The following EVC2 variants were observed in gnomAD, a reference collection of about 807,000 sequenced individuals.
The protein encoded by EVC2 is EvC ciliary complex subunit 2, also known as limbin.
Under a neutral mutation model 149.3 loss-of-function variants are expected in EVC2, and 148 were observed. The observed-to-expected ratio is 0.99, with a 90% CI of 0.87 to 1.14. The LOEUF is 1.14. EVC2 is among the 50% of genes most tolerant of loss of function. The probability of loss-of-function intolerance (pLI) is 0.00; values close to 1 mark genes in which losing one functional copy is unlikely to be tolerated. For missense variants in EVC2, 1,854 were observed against 1,627.3 expected (o/e 1.14, Z -2.40); for synonymous variants, 776 against 649.9 (o/e 1.19, Z -2.95).
At chr4:5,581,531 G>C (rs1478844546) in intron 17 of EVC2, among the ~76,000 whole-genome samples, 2 of 152,194 alleles carry the variant, frequency 1.3e-5, no homozygotes, top group African/African-American at 2.4e-5. Context: ...TAATTTGAGA[G>C]TGATGATTTA....
At chr4:5,615,608 C>G in intron 15 of EVC2, 64 bp from the exon 16 acceptor site, 1 of 1,612,600 alleles carries the variant, frequency 6.2e-7, no homozygotes, top group South Asian at 1.1e-5. Flanking sequence ...TGCAGCTCCC[C>G]CGAGGGCTTT....
intron 21 of EVC2, among the ~76,000 whole-genome samples, chr4:5,549,430 C>T (rs549574540): frequency 6.6e-6 from 1 of 152,172 alleles, no homozygotes; most frequent in Non-Finnish European, 1.5e-5. Flanking sequence ...AGGGGCTGTC[C>T]CCTGACAATG....
intron 16 of EVC2, among the ~76,000 whole-genome samples, chr4:5,594,468 G>A (rs1713182948): frequency 6.6e-6 from 1 of 152,218 alleles, no homozygotes; most frequent in Admixed American, 6.5e-5. Context: ...AACAGCGTCT[G>A]GAGTGGACCT....
At chr4:5,683,062 T>C (rs1236340357) in intron 6 of EVC2, among the ~76,000 whole-genome samples, 1 of 152,102 alleles carries the variant, frequency 6.6e-6, no homozygotes, top group Admixed American at 6.5e-5. Context: ...ACTTCCCAAA[T>C]CCACTGTGGG....
At chr4:5,565,167 C>A (rs781640196) in intron 21 of EVC2, 91 bp downstream of exon 21, 1 of 1,246,090 alleles carries the variant, frequency 8.0e-7, no homozygotes, top group Admixed American at 1.7e-5. Flanking sequence ...CAGCAACCTC[C>A]TTTCCTTGTC....
intron 16 of EVC2, among the ~76,000 whole-genome samples, chr4:5,593,269 A>C (rs2108799354): frequency 6.6e-6 from 1 of 152,330 alleles, no homozygotes; most frequent in Admixed American, 6.5e-5. Flanking sequence ...TCAAGTCAAA[A>C]GTTAAGCTGT....
In EVC2 at chr4:5,686,127, C is replaced by CACATAT. The variant is rs71171411; in HGVS notation, c.707-649_707-648insATATGT. 0.15 allele frequency among the ~76,000 whole-genome samples: 23,112 copies of CACATAT among 149,532 alleles called. 2,038 individuals are homozygous for CACATAT. The highest frequency in any genetic ancestry group is 0.23 in the African/African-American group (9,312 of 40,168). ...ACACACACACACACACACACACACACAGAGTAAAGAAAAGAGGAGGAACGC... is the reference window on the plus strand; with the variant it reads ...ACACACACACACACACACACACACACACATATAGAGTAAAGAAAAGAGGAGGAACGC... On this transcript the variant is annotated intron_variant, in intron 5 of 21. Coordinates refer to ENST00000344408, the MANE Select transcript of EVC2 (RefSeq NM_147127.5). This position sits in a 1 kb window ranked among gnomAD's most constrained non-coding sequence, Gnocchi z 5.4.
intron 5 of EVC2, 104 bp downstream of exon 5, chr4:5,689,053 T>C (rs1720921491): frequency 2.4e-6 from 3 of 1,250,618 alleles, no homozygotes; most frequent in African/African-American, 1.5e-5. Context: ...AGAGTGAACA[T>C]GTGTAAGGCT....
intron 11 of EVC2, among the ~76,000 whole-genome samples, chr4:5,629,219 C>T (rs942071172): frequency 2.0e-5 from 3 of 152,184 alleles, no homozygotes; most frequent in South Asian, 2.1e-4. Context: ...ATGAACAAAA[C>T]GTAACCAAAC....
rs143662104 is a variant in EVC2, at chr4:5,622,901, G to C, written c.2137C>G (p.Leu713Val). 97 of 1,614,084 alleles carry C rather than the reference G, an allele frequency of 6.0e-5. No individual in the cohort carries two copies. Among genetic ancestry groups the C allele is most frequent in the Middle Eastern group, 1.6e-4 (1 of 6,084 alleles). ...AGGGTGGCACCGTGCTCCTCCATCA[G>C]GCTCCTCTTCTGGTGCAGGTACTGG... ...AGQYLHQKRS[L>V]MEEHGATLEE... Residue 713 changes from leucine to valine, a missense_variant, in exon 14 of 22, where the codon CTG becomes GTG. By Grantham distance (32) the Leu-to-Val change is conservative. Coordinates refer to ENST00000344408, the MANE Select transcript of EVC2 (RefSeq NM_147127.5). The surrounding 1 kb of genome is among the most constrained non-coding windows in gnomAD (Gnocchi z 5.8).
chr4:5,647,648 TC>T (rs1193948054), intron 9 of EVC2, among the ~76,000 whole-genome samples: 4 of 152,196 alleles, frequency 2.6e-5, no homozygotes, highest in Non-Finnish European at 5.9e-5. Flanking sequence ...AAATCCCTTC[TC>T]TACTCTGAGA....
intron 16 of EVC2, among the ~76,000 whole-genome samples, chr4:5,594,945 A>G (rs2108801934): frequency 6.6e-6 from 1 of 152,356 alleles, no homozygotes; most frequent in South Asian, 2.1e-4. Flanking sequence ...AGCCGATGCG[A>G]TCAACTGGAA....
At chr4:5,543,127 G>A (rs1280624506) in exon 22 of EVC2, 2 of 1,289,576 alleles carry the variant, frequency 1.6e-6, no homozygotes, top group Non-Finnish European at 2.0e-6. Flanking sequence ...TTGCAGGTAA[G>A]TTCTCATTTT....
intron 12 of EVC2, among the ~76,000 whole-genome samples, chr4:5,627,154 C>T (rs1307035461): frequency 6.6e-6 from 1 of 152,208 alleles, no homozygotes; most frequent in African/African-American, 2.4e-5. Context: ...AGACTGCCTG[C>T]ATCCCTGGGC....
rs1397902437 is a variant in EVC2, at chr4:5,696,287, T to A, written c.283+1306A>T. Among the ~76,000 whole-genome samples, 1 of 152,216 alleles carries A rather than the reference T, an allele frequency of 6.6e-6. No homozygotes were observed. Among genetic ancestry groups the A allele is most frequent in the Non-Finnish European group, 1.5e-5 (1 of 68,036 alleles). ...TCTCTGGCTCTCCTGGTCCTCAGCT[T>A]TAATGAAGACTCCAAAGTGATCCCT... On this transcript the variant is annotated intron_variant, in intron 2 of 21. Transcript: ENST00000344408. The surrounding 1 kb of genome is among the most constrained non-coding windows in gnomAD (Gnocchi z 4.1).
intron 1 of EVC2, among the ~76,000 whole-genome samples, chr4:5,703,578 C>T (rs535016184): frequency 6.6e-6 from 1 of 152,292 alleles, no homozygotes; most frequent in South Asian, 2.1e-4. Flanking sequence ...TCAGCCACTG[C>T]CTCACCACTT....
At chr4:5,629,082 G>C (rs927215409) in intron 11 of EVC2, among the ~76,000 whole-genome samples, 1 of 152,134 alleles carries the variant, frequency 6.6e-6, no homozygotes, top group Admixed American at 6.5e-5. Flanking sequence ...TGAACACCAG[G>C]ATGAGGTGCT....
chr4:5,545,809 T>C (rs60668007), intron 21 of EVC2, among the ~76,000 whole-genome samples: 384 of 152,148 alleles, frequency 2.5e-3, no homozygotes, highest in African/African-American at 7.7e-3. Flanking sequence ...TAAAAATCCA[T>C]TTTCTAGTCC....
chr4:5,678,023 A>G (rs1720105132), intron 7 of EVC2, among the ~76,000 whole-genome samples: 1 of 152,214 alleles, frequency 6.6e-6, no homozygotes, highest in South Asian at 2.1e-4. Flanking sequence ...GCCACTTACT[A>G]GCCATGCAGA....
Sources: allele counts gnomAD v4.1 joint callset (sites outside exome capture counted in the v4.1 genomes callset), GRCh38; gene constraint gnomAD v4.1.1; non-coding constraint Gnocchi (gnomAD v3.1); transcripts MANE v1.5; gene names NCBI Gene and HGNC (gene_info 2026-07-23, HGNC 2026-07-21).